CAP2: variants seen among roughly 807,000 people sequenced by gnomAD.
CAP2 encodes the protein cyclase associated actin cytoskeleton regulatory protein 2.
Under a neutral mutation model 57.7 loss-of-function variants are expected in CAP2, and 24 were observed. That is an observed-to-expected ratio of 0.42 (90% confidence interval 0.30 to 0.58). CAP2 has a LOEUF of 0.58. CAP2 is among the 20% of genes least tolerant of loss of function. The pLI is 0.22. For synonymous variants in CAP2, 194 were observed against 207.2 expected, an observed-to-expected ratio of 0.94 and a Z score of 0.55; for missense variants, 501 against 590.3, an observed-to-expected ratio of 0.85 and a Z score of 1.57.
Position 17,513,792 on chromosome 6 carries a change from T to G in CAP2, c.531-57T>G. On this transcript the variant is annotated intron_variant, in intron 6 of 12. Coordinates refer to ENST00000229922, the MANE Select transcript of CAP2 (RefSeq NM_006366.3). The surrounding 1 kb of genome is among the most constrained non-coding windows in gnomAD (Gnocchi z 4.3). ...ATAACCATGTGCCCCCACAATTTTT[T>G]TAAAATTTTATTTTAGATCCTAACT... The G allele has an allele frequency of 7.8e-7, 1 of 1,281,848 alleles. No homozygotes were observed. Among genetic ancestry groups the G allele is most frequent in the Non-Finnish European group, 1.1e-6 (1 of 881,760 alleles). The allele number at this position is 1,281,848 out of a possible 1,614,324, so 79.4% of individuals were successfully genotyped here.
chr6:17,479,705 G>A (rs952418107), intron 4 of CAP2, among the ~76,000 whole-genome samples: 5 of 149,302 alleles, frequency 3.3e-5, no homozygotes, highest in Admixed American at 6.7e-5. Context: ...TCCGCCTGCC[G>A]GGTTCACGCC....
intron 3 of CAP2, among the ~76,000 whole-genome samples, chr6:17,457,243 T>A (rs1364170038): frequency 6.6e-6 from 1 of 152,224 alleles, no homozygotes; most frequent in East Asian, 1.9e-4. Context: ...GCCCAGGCTT[T>A]CTGAGCCCTG....
intron 3 of CAP2, among the ~76,000 whole-genome samples, chr6:17,450,080 C>A (rs1424271989): frequency 7.4e-5 from 11 of 149,102 alleles, no homozygotes; most frequent in Admixed American, 2.7e-4. Flanking sequence ...AAGACTGGGT[C>A]TTGCTCTGTC....
At chr6:17,532,865 A>T (rs1282097311) in intron 7 of CAP2, among the ~76,000 whole-genome samples, 1 of 151,688 alleles carries the variant, frequency 6.6e-6, no homozygotes, top group Non-Finnish European at 1.5e-5. Flanking sequence ...GGAGTTCAAG[A>T]CTAGCCTGAC....
intron 4 of CAP2, among the ~76,000 whole-genome samples, chr6:17,485,932 A>G (rs939879036): frequency 2.0e-5 from 3 of 152,258 alleles, no homozygotes; most frequent in Non-Finnish European, 4.4e-5. Flanking sequence ...CACAATCCAC[A>G]GCACTATAAC....
In CAP2 at chr6:17,529,651, AATAT is replaced by A. The variant is rs1554129488; in HGVS notation, c.637-9601_637-9598del. Among the ~76,000 whole-genome samples, 106 of 134,508 alleles carry A rather than the reference AATAT, an allele frequency of 7.9e-4. 7 individuals carry two copies. Among genetic ancestry groups the A allele is most frequent in the Non-Finnish European group, 1.1e-3 (70 of 65,104 alleles). The allele number at this position is 134,508 out of a possible 152,430, so 88.2% of individuals were successfully genotyped here. On this transcript the variant is annotated intron_variant, in intron 7 of 12. Coordinates refer to ENST00000229922, the MANE Select transcript of CAP2 (RefSeq NM_006366.3). ...GCAAGACTCCGTCTCAAAAAAAAAA[AATAT>A]ATATATATATATATATGTATAAACA... is the stretch of plus-strand genomic sequence containing the variant.
intron 7 of CAP2, among the ~76,000 whole-genome samples, chr6:17,534,519 G>A (rs1762724962): frequency 6.6e-6 from 1 of 152,142 alleles, no homozygotes; most frequent in African/African-American, 2.4e-5. Flanking sequence ...CCTCGTTCTT[G>A]GCACCGCCTA....
chr6:17,521,659 G>A (rs1762395320), intron 7 of CAP2, among the ~76,000 whole-genome samples: 3 of 152,152 alleles, frequency 2.0e-5, no homozygotes, highest in Admixed American at 2.0e-4. Context: ...TGAAGAAGAT[G>A]AGCAATGCAC....
chr6:17,517,825 C>T (rs773292768), intron 7 of CAP2, among the ~76,000 whole-genome samples: 3 of 152,066 alleles, frequency 2.0e-5, no homozygotes, highest in Admixed American at 1.3e-4. Flanking sequence ...CGCTTGAACC[C>T]GGGAGGCAGT....
At chr6:17,461,886 G>A (rs1433625191) in intron 3 of CAP2, among the ~76,000 whole-genome samples, 7 of 149,714 alleles carry the variant, frequency 4.7e-5, no homozygotes, top group Non-Finnish European at 7.4e-5. Flanking sequence ...CCAGCTACTC[G>A]GGGGGCTGAG....
intron 4 of CAP2, among the ~76,000 whole-genome samples, chr6:17,496,140 C>T (rs957989792): frequency 2.0e-5 from 3 of 151,144 alleles, no homozygotes; most frequent in African/African-American, 7.3e-5. Context: ...CAAATGAATA[C>T]ACAGTGAGCA....
intron 4 of CAP2, among the ~76,000 whole-genome samples, chr6:17,475,172 G>T (rs1034558462): frequency 6.7e-6 from 1 of 149,158 alleles, no homozygotes; most frequent in African/African-American, 2.5e-5. Flanking sequence ...TTCAGCCTGC[G>T]CAGCAGAGCA....
intron 4 of CAP2, among the ~76,000 whole-genome samples, chr6:17,464,546 G>A (rs1436962142): frequency 6.6e-6 from 1 of 152,112 alleles, no homozygotes; most frequent in African/African-American, 2.4e-5. Context: ...CCAGTACCTG[G>A]GTCCCAACCC....
intron 7 of CAP2, among the ~76,000 whole-genome samples, chr6:17,519,077 T>C (rs1561813500): frequency 6.6e-6 from 1 of 152,164 alleles, no homozygotes. Flanking sequence ...TATTTTCAAA[T>C]TGGATTTTGA....
chr6:17,442,257 T>C (rs541935036), intron 3 of CAP2, among the ~76,000 whole-genome samples: 17 of 152,318 alleles, frequency 1.1e-4, no homozygotes, highest in African/African-American at 3.4e-4. Context: ...CACCTCCAAG[T>C]TGACCATGAA....
At chr6:17,424,932 G>A (rs1413052473) in intron 2 of CAP2, among the ~76,000 whole-genome samples, 1 of 152,132 alleles carries the variant, frequency 6.6e-6, no homozygotes, top group Non-Finnish European at 1.5e-5. Context: ...GTCTCCAAAC[G>A]GATCCATAAG....
chr6:17,536,167 G>A (rs1762768475), intron 7 of CAP2: 1 of 456,564 alleles, frequency 2.2e-6, no homozygotes, highest in Non-Finnish European at 4.4e-6. Context: ...GTGTCAGGCT[G>A]TGATTCCACT....
chr6:17,498,782 G>A (rs1464500581), intron 4 of CAP2, among the ~76,000 whole-genome samples: 2 of 151,992 alleles, frequency 1.3e-5, no homozygotes, highest in African/African-American at 2.4e-5. Context: ...AGGCTGGAGT[G>A]CAGTGGCACG....
At chr6:17,453,971 G>GCCT (rs1760483439) in intron 3 of CAP2, among the ~76,000 whole-genome samples, 1 of 145,324 alleles carries the variant, frequency 6.9e-6, no homozygotes, top group South Asian at 2.2e-4. Flanking sequence ...TGCAGCCTCA[G>GCCT]CCTCCTGGGC....
Sources: allele counts gnomAD v4.1 joint callset (sites outside exome capture counted in the v4.1 genomes callset), GRCh38; gene constraint gnomAD v4.1.1; non-coding constraint Gnocchi (gnomAD v3.1); transcripts MANE v1.5; gene names NCBI Gene and HGNC (gene_info 2026-07-23, HGNC 2026-07-21).